The following ANKRD6 variants were observed in gnomAD, a reference collection of about 807,000 sequenced individuals.
ANKRD6 encodes the protein ankyrin repeat domain 6, also known as ankyrin repeat domain-containing protein 6.
In ANKRD6, 56 loss-of-function variants were observed where a neutral mutation model predicts 82.3. That is an observed-to-expected ratio of 0.68 (90% confidence interval 0.55 to 0.85). The LOEUF (loss-of-function observed/expected upper bound fraction) is 0.85. ANKRD6 is among the 40% of genes least tolerant of loss of function. The probability of loss-of-function intolerance (pLI) is 0.00; values close to 1 mark genes in which losing one functional copy is unlikely to be tolerated. For synonymous variants in ANKRD6, 347 were observed against 352.1 expected (o/e 0.99, Z 0.16); for missense variants, 852 against 907.6 (o/e 0.94, Z 0.79).
At chr6:89,625,156 A>AGGGTG (rs1272325966) in intron 13 of ANKRD6, among the ~76,000 whole-genome samples, 1 of 151,994 alleles carries the variant, frequency 6.6e-6, no homozygotes, top group East Asian at 1.9e-4. Context: ...GGTGGCACAC[A>AGGGTG]CCTATAATCC....
At chr6:89,621,871 A>C in intron 9 of ANKRD6, 51 bp from the exon 10 acceptor site, 1 of 1,563,872 alleles carries the variant, frequency 6.4e-7, no homozygotes, top group Non-Finnish European at 8.8e-7. Flanking sequence ...ATTCTCTCAC[A>C]CAGATGCTGC....
chr6:89,493,477 T>A (rs1778246206), intron 1 of ANKRD6, among the ~76,000 whole-genome samples: 1 of 152,158 alleles, frequency 6.6e-6, no homozygotes, highest in South Asian at 2.1e-4. Flanking sequence ...TGGCATGATC[T>A]CAGCTCACTG....
At chr6:89,542,755 A>T (rs1463563383) in intron 1 of ANKRD6, among the ~76,000 whole-genome samples, 1 of 152,246 alleles carries the variant, frequency 6.6e-6, no homozygotes, top group African/African-American at 2.4e-5. Flanking sequence ...CAGCTCTGAC[A>T]CCTGAAATTA....
At chr6:89,603,363 G>A (rs1583653664) in intron 4 of ANKRD6, among the ~76,000 whole-genome samples, 1 of 111,866 alleles carries the variant, frequency 8.9e-6, no homozygotes, top group Non-Finnish European at 1.7e-5. Flanking sequence ...GTCTCACTCT[G>A]TTGCCCAGGC....
At chr6:89,603,167 G>A (rs748786787) in intron 4 of ANKRD6, 40 bp downstream of exon 4, 6 of 1,557,246 alleles carry the variant, frequency 3.9e-6, no homozygotes, top group East Asian at 4.8e-5. Flanking sequence ...CAAGGCAAGG[G>A]AAGCCAGTGG....
chr6:89,455,898 A>G (rs1375348274), intron 1 of ANKRD6, among the ~76,000 whole-genome samples: 4 of 149,908 alleles, frequency 2.7e-5, no homozygotes, highest in African/African-American at 7.4e-5. Flanking sequence ...TTTTTCTGAG[A>G]TGGAATCTTG....
chr6:89,506,577 A>G (rs1779891599), intron 1 of ANKRD6, among the ~76,000 whole-genome samples: 1 of 152,170 alleles, frequency 6.6e-6, no homozygotes, highest in Admixed American at 6.5e-5. Flanking sequence ...GGCCTCCCAA[A>G]GTGCTGAGAT....
intron 1 of ANKRD6, among the ~76,000 whole-genome samples, chr6:89,455,948 A>T (rs775060103): frequency 1.3e-5 from 2 of 151,332 alleles, no homozygotes; most frequent in African/African-American, 2.4e-5. Flanking sequence ...ATCTTGGCTC[A>T]CTGCAACCTC....
intron 9 of ANKRD6, chr6:89,618,441 G>A (rs1382885290): frequency 1.1e-5 from 6 of 523,722 alleles, no homozygotes; most frequent in Admixed American, 6.6e-5. Flanking sequence ...AAAGGCAGGA[G>A]GGAGGGGACG....
chr6:89,466,172 A>G (rs1774825147), intron 1 of ANKRD6, among the ~76,000 whole-genome samples: 1 of 152,190 alleles, frequency 6.6e-6, no homozygotes. Context: ...TTTCAAAATC[A>G]TTATATTTAA....
chr6:89,528,770 G>A (rs1016317268), intron 1 of ANKRD6, among the ~76,000 whole-genome samples: 4 of 152,234 alleles, frequency 2.6e-5, no homozygotes, highest in Admixed American at 6.5e-5. Flanking sequence ...TGGGCTGAAG[G>A]ATGGATGTTT....
rs752329406 is a variant in ANKRD6 at position 89,627,614 on chromosome 6, G to A, written c.1403G>A (p.Arg468Gln). 8.7e-6 allele frequency: 14 copies of A among 1,613,728 alleles called. No homozygotes were observed. Among genetic ancestry groups the A allele is most frequent in the South Asian group, 3.3e-5 (3 of 91,060 alleles). ...MRVLDKLMVE[R>Q]LSAERTECLN... ...GTTTTGGACAAGCTGATGGTTGAGC[G>A]ACTTTCTGCAGAGAGGACGGAGTGC... Residue 468 changes from arginine (R) to glutamine (Q), a missense_variant, in exon 14 of 16, where the codon CGA becomes CAA. Coordinates refer to ENST00000339746, the MANE Select transcript of ANKRD6 (RefSeq NM_001242809.2).
At chr6:89,493,217 A>G (rs1209411370) in intron 1 of ANKRD6, among the ~76,000 whole-genome samples, 1 of 152,094 alleles carries the variant, frequency 6.6e-6, no homozygotes, top group African/African-American at 2.4e-5. Flanking sequence ...CCAAAAATCA[A>G]TGTGTTGCAG....
At chr6:89,471,359 CAAAAAA>C (rs568718441) in intron 1 of ANKRD6, among the ~76,000 whole-genome samples, 2 of 57,122 alleles carry the variant, frequency 3.5e-5, no homozygotes, top group Non-Finnish European at 3.5e-5. Flanking sequence ...ACAACAACAA[CAAAAAA>C]AAAAAAAAAA....
chr6:89,487,989 G>A (rs1283318167), intron 1 of ANKRD6, among the ~76,000 whole-genome samples: 1 of 152,180 alleles, frequency 6.6e-6, no homozygotes, highest in Non-Finnish European at 1.5e-5. Flanking sequence ...CTGCAAGTTG[G>A]TATGTACAGA....
chr6:89,457,423 C>T (rs1773618090), intron 1 of ANKRD6, among the ~76,000 whole-genome samples: 2 of 152,150 alleles, frequency 1.3e-5, no homozygotes, highest in Non-Finnish European at 1.5e-5. Flanking sequence ...TTCAAATGCT[C>T]ACTTACCTTA....
intron 1 of ANKRD6, among the ~76,000 whole-genome samples, chr6:89,532,411 A>G (rs1391806706): frequency 6.6e-6 from 1 of 152,146 alleles, no homozygotes; most frequent in Non-Finnish European, 1.5e-5. Flanking sequence ...GGCTCATTCT[A>G]ATTCATCTAT....
At chr6:89,580,657 CG>C (rs1407059643) in intron 2 of ANKRD6, among the ~76,000 whole-genome samples, 1 of 151,764 alleles carries the variant, frequency 6.6e-6, no homozygotes, top group Non-Finnish European at 1.5e-5. Context: ...CTCACTTCCA[CG>C]AGGGATTTGC....
intron 1 of ANKRD6, among the ~76,000 whole-genome samples, chr6:89,514,262 G>A (rs1405672539): frequency 6.6e-6 from 1 of 152,026 alleles, no homozygotes; most frequent in Non-Finnish European, 1.5e-5. Context: ...CCCGTAATCC[G>A]AGCTACTTGG....
Sources: allele counts gnomAD v4.1 joint callset (sites outside exome capture counted in the v4.1 genomes callset), GRCh38; gene constraint gnomAD v4.1.1; transcripts MANE v1.5; gene names NCBI Gene and HGNC (gene_info 2026-07-23, HGNC 2026-07-21).